Variants in GTF2F2 observed in about 807,000 individuals in gnomAD.
The protein encoded by GTF2F2 is ATP-dependent helicase GTF2F2.
A neutral mutation model predicts 42.2 loss-of-function variants in GTF2F2; 23 were observed. The observed-to-expected ratio is 0.55, with a 90% CI of 0.39 to 0.77. The LOEUF is 0.77. Ranked by LOEUF, GTF2F2 falls within the 30% of genes least tolerant of loss-of-function variation. The pLI is 0.00. For missense variants in GTF2F2, 261 were observed against 287.2 expected (o/e 0.91, Z 0.66); for synonymous variants, 105 against 100.8 (o/e 1.04, Z -0.25).
intron 2 of GTF2F2, among the ~76,000 whole-genome samples, chr13:45,137,174 G>T (rs1869673808): frequency 6.6e-6 from 1 of 152,226 alleles, no homozygotes; most frequent in Admixed American, 6.5e-5. Context: ...ACTTGCAGCA[G>T]GACTTTGCCA....
intron 2 of GTF2F2, among the ~76,000 whole-genome samples, chr13:45,142,459 C>T (rs562661478): frequency 2.0e-5 from 3 of 152,262 alleles, no homozygotes; most frequent in South Asian, 2.1e-4. Flanking sequence ...TGAGCCACCA[C>T]GTCTGGCCCT....
At chr13:45,234,544 C>T (rs1203833582) in intron 5 of GTF2F2, among the ~76,000 whole-genome samples, 2 of 152,058 alleles carry the variant, frequency 1.3e-5, no homozygotes, top group African/African-American at 2.4e-5. Context: ...TTTTATAATG[C>T]CTTTTTCCTA....
intron 2 of GTF2F2, among the ~76,000 whole-genome samples, chr13:45,142,729 A>G (rs558315324): frequency 6.6e-6 from 1 of 152,202 alleles, no homozygotes; most frequent in African/African-American, 2.4e-5. Flanking sequence ...TCCTGGCTGT[A>G]TTCTCCAGGC....
intron 6 of GTF2F2, among the ~76,000 whole-genome samples, chr13:45,264,787 C>T (rs941797327): frequency 6.6e-6 from 1 of 152,314 alleles, no homozygotes; most frequent in South Asian, 2.1e-4. Flanking sequence ...AGTTTTCTCT[C>T]CACAGCCAAC....
At chr13:45,166,233 T>A (rs946621825) in intron 4 of GTF2F2, among the ~76,000 whole-genome samples, 2 of 152,218 alleles carry the variant, frequency 1.3e-5, no homozygotes, top group African/African-American at 4.8e-5. Context: ...CACTGGGAAC[T>A]ATGTGATGCT....
intron 2 of GTF2F2, among the ~76,000 whole-genome samples, chr13:45,138,353 T>G (rs1010758031): frequency 6.6e-6 from 1 of 152,146 alleles, no homozygotes; most frequent in African/African-American, 2.4e-5. Flanking sequence ...AGGTCCTTAT[T>G]TTCTTTGTGT....
chr13:45,206,336 A>G (rs1229862994), intron 4 of GTF2F2: 2 of 152,202 alleles, frequency 1.3e-5, no homozygotes, highest in Non-Finnish European at 2.9e-5. Flanking sequence ...CTGCATTTTG[A>G]TCAATTTATC....
intron 2 of GTF2F2, among the ~76,000 whole-genome samples, chr13:45,141,218 C>T (rs1357548589): frequency 6.6e-6 from 1 of 151,952 alleles, no homozygotes; most frequent in Admixed American, 6.6e-5. Flanking sequence ...TGAGAGAAAC[C>T]CATGTAAATC....
At position 45,267,372 on chromosome 13, in the gene GTF2F2, C is replaced by A; in HGVS notation, c.626C>A (p.Pro209His). ...GACTTGGTGGACATCACAAAGCAAC[C>A]TGTGGTATGTATATGTTCATACTGA... The part of the protein sequence containing the change: ...LKDLVDITKQ[P>H]VVYLKEILKE... The change falls in exon 7 of 8, where the codon CCT (proline) becomes CAT (histidine). Residue 209 changes from proline to histidine, a missense_variant. Transcript: ENST00000340473. 1 of 1,600,412 alleles carries A rather than the reference C, an allele frequency of 6.2e-7. No individual in the cohort carries two copies.
chr13:45,233,011 CTTTAAACTACCAAGT>C (rs1364294084), intron 5 of GTF2F2, among the ~76,000 whole-genome samples: 1 of 152,194 alleles, frequency 6.6e-6, no homozygotes, highest in African/African-American at 2.4e-5. Flanking sequence ...TAAAGGCTCA[CTTTAAACTACCAAGT>C]TCGTTTTATA....
At chr13:45,251,203 G>A (rs1275528401) in intron 5 of GTF2F2, among the ~76,000 whole-genome samples, 1 of 152,158 alleles carries the variant, frequency 6.6e-6, no homozygotes, top group African/African-American at 2.4e-5. Context: ...CTGAAAATAA[G>A]CAGAAGTAAA....
chr13:45,242,011 T>G (rs544560982), intron 5 of GTF2F2, among the ~76,000 whole-genome samples: 1 of 152,330 alleles, frequency 6.6e-6, no homozygotes, highest in South Asian at 2.1e-4. Flanking sequence ...TTCCAAGCCC[T>G]AAAATTTCCT....
At chr13:45,256,550 A>G (rs935856874) in intron 6 of GTF2F2, among the ~76,000 whole-genome samples, 1 of 152,170 alleles carries the variant, frequency 6.6e-6, no homozygotes, top group African/African-American at 2.4e-5. Flanking sequence ...CCAAACAAAG[A>G]TTGACTATAA....
At chr13:45,197,832 A>G (rs867526278) in intron 4 of GTF2F2, among the ~76,000 whole-genome samples, 20 of 152,348 alleles carry the variant, frequency 1.3e-4, no homozygotes, top group South Asian at 6.2e-4. Context: ...TCATGGGACT[A>G]TGTTTCTCTG....
intron 5 of GTF2F2, among the ~76,000 whole-genome samples, chr13:45,230,908 T>C (rs1874643282): frequency 6.6e-6 from 1 of 152,144 alleles, no homozygotes; most frequent in African/African-American, 2.4e-5. Context: ...TTTTTTTAGT[T>C]TGCAGCTTTT....
At chr13:45,264,990 G>C (rs1876503867) in intron 6 of GTF2F2, among the ~76,000 whole-genome samples, 1 of 152,150 alleles carries the variant, frequency 6.6e-6, no homozygotes, top group African/African-American at 2.4e-5. Context: ...GCCAGGCGTG[G>C]TGGCTCACGC....
chr13:45,178,782 A>T (rs771707183), intron 4 of GTF2F2, among the ~76,000 whole-genome samples: 7 of 152,140 alleles, frequency 4.6e-5, no homozygotes, highest in Non-Finnish European at 8.8e-5. Flanking sequence ...AACAACAATG[A>T]TGTCATATTT....
intron 5 of GTF2F2, among the ~76,000 whole-genome samples, chr13:45,231,094 AT>A (rs1223400327): frequency 6.6e-6 from 1 of 151,156 alleles, no homozygotes; most frequent in Non-Finnish European, 1.5e-5. Flanking sequence ...CTATTTATTT[AT>A]TTTTTTATTT....
In GTF2F2 at chr13:45,191,227, ATATATAT is replaced by A. The variant is rs1566129319; in HGVS notation, c.305-16196_305-16190del. On this transcript the variant is annotated intron_variant, in intron 4 of 7. Coordinates refer to ENST00000340473, the MANE Select transcript of GTF2F2 (RefSeq NM_004128.3). Reference sequence around the variant, plus strand: ...TCTACTAAAAATACAAAAAAAAAATATATATATATATATATATATATATATATAGCCA... The same window carrying A: ...TCTACTAAAAATACAAAAAAAAAATAATATATATATATATATATATAGCCA... Among the ~76,000 whole-genome samples the A allele has an allele frequency of 1.1e-4, 13 of 116,096 alleles. 1 individual carries two copies. Among genetic ancestry groups the A allele is most frequent in the African/African-American group, 4.0e-4 (11 of 27,570 alleles). The allele number at this position is 116,096 out of a possible 152,430, so 76.2% of individuals were successfully genotyped here.
Sources: allele counts gnomAD v4.1 joint callset (sites outside exome capture counted in the v4.1 genomes callset), GRCh38; gene constraint gnomAD v4.1.1; transcripts MANE v1.5; gene names NCBI Gene and HGNC (gene_info 2026-07-23, HGNC 2026-07-21).